The following HERC2 variants were observed in gnomAD, a reference collection of about 807,000 sequenced individuals.
The protein encoded by HERC2 is HECT and RLD domain containing E3 ubiquitin protein ligase 2.
Under a neutral mutation model 537.7 loss-of-function variants are expected in HERC2, and 102 were observed. The ratio of observed to expected loss-of-function variants is 0.19; its 90% CI spans 0.16 to 0.22. The LOEUF (loss-of-function observed/expected upper bound fraction) is 0.22, where lower values mean the gene tolerates loss of function less well. Among genes scored for constraint, HERC2 ranks in the 10% least tolerant of loss-of-function variants. The pLI is 1.00. For synonymous variants in HERC2, 2,224 were observed against 2,466.2 expected, an observed-to-expected ratio of 0.90 and a Z score of 2.91; for missense variants, 4,236 against 6,198.2, an observed-to-expected ratio of 0.68 and a Z score of 10.63.
chr15:28,312,324 C>T (rs539042678), intron 2 of HERC2, among the ~76,000 whole-genome samples: 5,967 of 144,648 alleles, frequency 0.041, 5 homozygotes, highest in African/African-American at 0.17. Flanking sequence ...GGAAGACAGC[C>T]GTGGCACTGA....
intron 90 of HERC2, 46 bp downstream of exon 90, chr15:28,114,566 A>G: frequency 6.4e-7 from 1 of 1,564,554 alleles, no homozygotes; most frequent in Non-Finnish European, 8.8e-7. Flanking sequence ...ACGTTCTGCT[A>G]CTTTTGCTAT....
chr15:28,194,156 C>A (rs1897116885), intron 52 of HERC2, among the ~76,000 whole-genome samples: 1 of 150,708 alleles, frequency 6.6e-6, no homozygotes, highest in African/African-American at 2.4e-5. Context: ...AGCTCCACAT[C>A]CTGGGTTCAC....
intron 65 of HERC2, among the ~76,000 whole-genome samples, chr15:28,173,634 A>G (rs1249209839): frequency 6.6e-6 from 1 of 151,802 alleles, no homozygotes; most frequent in Non-Finnish European, 1.5e-5. Context: ...CCCTCTCTCC[A>G]CCAAACAAAC....
At chr15:28,195,325 G>C (rs1172162981) in intron 52 of HERC2, among the ~76,000 whole-genome samples, 1 of 152,050 alleles carries the variant, frequency 6.6e-6, no homozygotes, top group Non-Finnish European at 1.5e-5. Flanking sequence ...GCTGAGCGTG[G>C]TGGCTCAGGC....
intron 23 of HERC2, among the ~76,000 whole-genome samples, chr15:28,242,329 T>C (rs914583534): frequency 1.3e-5 from 2 of 152,172 alleles, no homozygotes; most frequent in African/African-American, 2.4e-5. Context: ...AAGAAAAGAA[T>C]AGGCAGGAAC....
chr15:28,127,190 C>T (rs570585703), intron 83 of HERC2, among the ~76,000 whole-genome samples: 13 of 152,324 alleles, frequency 8.5e-5, no homozygotes, highest in African/African-American at 2.9e-4. Flanking sequence ...CCTAAAGCCA[C>T]GAGGCGGGTG....
intron 86 of HERC2, 197 bp from the exon 87 acceptor site, chr15:28,117,351 C>T (rs757868109): frequency 2.8e-6 from 2 of 707,986 alleles, no homozygotes; most frequent in South Asian, 3.0e-5. Flanking sequence ...AGACCGCTGC[C>T]TCACCCCATT....
At chr15:28,264,373 A>G (rs2075502363) in intron 14 of HERC2, among the ~76,000 whole-genome samples, 1 of 152,188 alleles carries the variant, frequency 6.6e-6, no homozygotes, top group South Asian at 2.1e-4. Context: ...GCACTATTAC[A>G]TGGTCAATGA....
rs28410461 is a variant in HERC2 at position 28,222,290 on chromosome 15, C to A, written c.5465-75G>T. Reference sequence around the variant, plus strand: ...CCCCTTAATACACACAAAACATTCACAAAGTACTAATGAAGATCGTAATTT... The same window carrying A: ...CCCCTTAATACACACAAAACATTCAAAAAGTACTAATGAAGATCGTAATTT... On this transcript the variant is annotated intron_variant, in intron 35 of 92. Transcript: ENST00000261609. The A allele has an allele frequency of 7.1e-3, 4,792 of 675,324 alleles. 32 individuals are homozygous for A. Among genetic ancestry groups the A allele is most frequent in the Non-Finnish European group, 9.6e-3 (3,571 of 372,826 alleles). The allele number at this position is 675,324 out of a possible 1,614,324, so 41.8% of individuals were successfully genotyped here. A position where few individuals can be genotyped will look rare whatever the true frequency, so the allele number is the denominator to read the frequency against.
rs747226955 is a variant in HERC2, at chr15:28,214,148, C to G, written c.6483G>C (p.Gly2161=). The change falls in exon 41 of 93, where the codon GGG becomes GGC. Residue 2161 remains glycine (G), a synonymous_variant. Coordinates refer to ENST00000261609, the MANE Select transcript of HERC2 (RefSeq NM_004667.6). ...RTLHSLTQWN[G]LINKYINSQL... ...GGGAGTTGATGTACTTGTTGATGAGCCCATTCCACTGAGTCAGGGAGTGCA... is the reference window on the plus strand; with the variant it reads ...GGGAGTTGATGTACTTGTTGATGAGGCCATTCCACTGAGTCAGGGAGTGCA... The G allele has an allele frequency of 2.5e-6, 4 of 1,613,838 alleles. No homozygotes were observed. In the African/African-American group the frequency reaches 4.0e-5, roughly 16 times the overall value.
chr15:28,257,214 G>A lies in HERC2; in HGVS notation c.2364C>T (p.Val788=). The change falls in exon 17 of 93, where the codon GTC becomes GTT. Residue 788 remains valine (V), a synonymous_variant. Transcript: ENST00000261609. ...TTGAGCAGATGTCCACCACAAAAGG[G>A]ACACGGAGGCCAATGGACCACTCAG... The part of the protein sequence containing the change: ...SCSEWSIGLR[V]PFVVDICSMT... The A allele has an allele frequency of 6.2e-7, 1 of 1,613,910 alleles. No homozygotes were observed. The highest frequency in any genetic ancestry group is 1.3e-5 in the African/African-American group (1 of 75,028).
intron 2 of HERC2, among the ~76,000 whole-genome samples, chr15:28,316,975 C>T (rs2077104984): frequency 6.6e-6 from 1 of 152,062 alleles, no homozygotes; most frequent in South Asian, 2.1e-4. Flanking sequence ...TGGGGTTTCA[C>T]CATGTTGGCC....
In HERC2 at chr15:28,310,532, G is replaced by A. The variant is rs544006449; in HGVS notation, c.72+10830C>T. Among the ~76,000 whole-genome samples the A allele has an allele frequency of 3.3e-5, 5 of 152,238 alleles. No individual in the cohort carries two copies. The South Asian group carries it at 1.0e-3, about 32-fold the overall frequency. The stretch of plus-strand genomic sequence containing the variant: ...GCCGAAAACATTCAGGGCCCCTGAA[G>A]TTTAACTAGTGAATGGAAAGGTTTG... On this transcript the variant is annotated intron_variant, in intron 2 of 92. Transcript: ENST00000261609.
At chr15:28,235,857 C>T (rs1311537192) in intron 26 of HERC2, among the ~76,000 whole-genome samples, 1 of 152,150 alleles carries the variant, frequency 6.6e-6, no homozygotes, top group Non-Finnish European at 1.5e-5. Context: ...AAGCTGCTCA[C>T]ACGGATGGAC....
In HERC2 at chr15:28,141,424, G is replaced by T; in HGVS notation, c.12015+8C>A. On this transcript the variant is annotated splice_region_variant and intron_variant, in intron 78 of 92. Coordinates refer to ENST00000261609, the MANE Select transcript of HERC2 (RefSeq NM_004667.6). ...AATGACCTTGTGACATAGAAAAAGA[G>T]CTCTTACCTTCCCATCAGCCGTCAC... 1 of 1,613,608 alleles carries T rather than the reference G, an allele frequency of 6.2e-7. No individual in the cohort carries two copies. The highest frequency in any genetic ancestry group is 2.2e-5 in the East Asian group (1 of 44,882).
intron 85 of HERC2, among the ~76,000 whole-genome samples, chr15:28,123,207 G>A (rs1889116068): frequency 6.6e-6 from 1 of 152,164 alleles, no homozygotes; most frequent in African/African-American, 2.4e-5. Flanking sequence ...TTCTAGCCAA[G>A]TGGAAACAAA....
chr15:28,133,226 G>A (rs895045252), intron 79 of HERC2, among the ~76,000 whole-genome samples: 5 of 151,788 alleles, frequency 3.3e-5, no homozygotes, highest in Admixed American at 6.6e-5. Flanking sequence ...CCCCCACTAT[G>A]AATTAACAAT....
In HERC2 at chr15:28,111,735, T is replaced by G. The variant is rs1198525532; in HGVS notation, c.*28A>C. 1 of 1,608,704 alleles carries G rather than the reference T, an allele frequency of 6.2e-7. No individual in the cohort carries two copies. On this transcript the variant is annotated 3_prime_UTR_variant, in exon 93 of 93. Coordinates refer to ENST00000261609, the MANE Select transcript of HERC2 (RefSeq NM_004667.6). ...GAGCGCTCTGCTGCCTGGCTCAGGC[T>G]CTCATCTCACGAGGACGTTTCCCCA... is the stretch of plus-strand genomic sequence containing the variant.
At chr15:28,121,999 C>G (rs570387657) in intron 85 of HERC2, among the ~76,000 whole-genome samples, 7 of 149,806 alleles carry the variant, frequency 4.7e-5, no homozygotes, top group African/African-American at 1.7e-4. Flanking sequence ...CAGGGAGCAC[C>G]GCGGAGCCAG....
Sources: allele counts gnomAD v4.1 joint callset (sites outside exome capture counted in the v4.1 genomes callset), GRCh38; gene constraint gnomAD v4.1.1; transcripts MANE v1.5; gene names NCBI Gene and HGNC (gene_info 2026-07-23, HGNC 2026-07-21).